The following RARB variants were observed in gnomAD, a reference collection of about 807,000 sequenced individuals.
RARB encodes the protein HBV-activated protein.
In RARB, 17 loss-of-function variants were observed where a neutral mutation model predicts 51.9. The ratio of observed to expected loss-of-function variants is 0.33; its 90% confidence interval spans 0.22 to 0.49. The LOEUF is 0.49. Ranked by LOEUF, RARB falls within the 20% of genes least tolerant of loss-of-function variation. RARB has a pLI of 0.99. For missense variants in RARB, 369 were observed against 550.8 expected (o/e 0.67, Z 3.30); for synonymous variants, 215 against 195.4 (o/e 1.10, Z -0.84).
chr3:24,915,795 A>G (rs1010359848), intron 2 of RARB, among the ~76,000 whole-genome samples: 14 of 152,170 alleles, frequency 9.2e-5, no homozygotes, highest in African/African-American at 3.1e-4. Flanking sequence ...TCCTGGGTCT[A>G]TACAAATGTA....
chr3:25,490,051 G>A (rs1696652392), intron 2 of RARB, among the ~76,000 whole-genome samples: 1 of 152,218 alleles, frequency 6.6e-6, no homozygotes, highest in Non-Finnish European at 1.5e-5. Context: ...GTGAAGAGAA[G>A]CAGAAGGCTA....
intron 5 of RARB, among the ~76,000 whole-genome samples, chr3:25,587,508 A>G (rs1171026789): frequency 6.6e-6 from 1 of 152,250 alleles, no homozygotes; most frequent in Non-Finnish European, 1.5e-5. Context: ...AAATAATTCC[A>G]TCTATTTCTC....
chr3:25,237,281 C>T (rs1381279889), intron 5 of RARB, among the ~76,000 whole-genome samples: 1 of 151,964 alleles, frequency 6.6e-6, no homozygotes. Context: ...TTAGACAACC[C>T]CAAAGGGTGG....
chr3:25,222,198 GATATATGATGA>G (rs1292051681), intron 5 of RARB, among the ~76,000 whole-genome samples: 1 of 152,196 alleles, frequency 6.6e-6, no homozygotes, highest in Non-Finnish European at 1.5e-5. Flanking sequence ...TCGAGGGGCA[GATATATGATGA>G]CTGCAACCTA....
chr3:25,449,702 C>T (rs1214996841), intron 1 of RARB, among the ~76,000 whole-genome samples: 2 of 151,620 alleles, frequency 1.3e-5, no homozygotes, highest in African/African-American at 4.8e-5. Context: ...CTGGTTTCTT[C>T]TTGCCTGTCA....
At chr3:24,853,755 T>C (rs1044874299) in intron 1 of RARB, among the ~76,000 whole-genome samples, 54 of 152,198 alleles carry the variant, frequency 3.5e-4, no homozygotes, top group Non-Finnish European at 3.4e-4. Context: ...ATATCAGACA[T>C]GTTTGAATTA....
At chr3:25,356,318 GA>G (rs1352834742) in intron 5 of RARB, among the ~76,000 whole-genome samples, 1 of 151,714 alleles carries the variant, frequency 6.6e-6, no homozygotes, top group Non-Finnish European at 1.5e-5. Context: ...CTATAGGAGG[GA>G]AAAAAAGGTT....
intron 2 of RARB, among the ~76,000 whole-genome samples, chr3:25,009,256 C>T (rs573705423): frequency 6.6e-6 from 1 of 152,224 alleles, no homozygotes; most frequent in East Asian, 1.9e-4. Context: ...GGTAGAATGG[C>T]TGACAGAAGA....
intron 4 of RARB, among the ~76,000 whole-genome samples, chr3:25,579,513 G>A (rs1241902583): frequency 1.3e-5 from 2 of 152,188 alleles, no homozygotes; most frequent in East Asian, 3.8e-4. Flanking sequence ...TGCTTCCAAG[G>A]TTTATCCATG....
At position 25,271,337 on chromosome 3, in the gene RARB, C is replaced by T. The variant is rs145840253; in HGVS notation, c.178+96762C>T. On this transcript the variant is annotated intron_variant, in intron 5 of 11. Coordinates refer to the RARB transcript ENST00000383772. ...GTGTGCTAACCAAAAATAACTAGCT[C>T]TTGAAATGCCATATAGGATAAGCAT... 3.5e-3 allele frequency among the ~76,000 whole-genome samples: 535 copies of T among 152,252 alleles called. 3 individuals carry two copies. The highest frequency in any genetic ancestry group is 0.012 in the African/African-American group (497 of 41,546).
At chr3:24,907,622 G>A (rs917874214) in intron 2 of RARB, among the ~76,000 whole-genome samples, 1 of 152,118 alleles carries the variant, frequency 6.6e-6, no homozygotes, top group Middle Eastern at 3.2e-3. Context: ...GTAAGGATAT[G>A]GGATGGCATG....
intron 5 of RARB, among the ~76,000 whole-genome samples, chr3:25,281,958 G>GCT (rs769562194): frequency 4.6e-5 from 7 of 152,326 alleles, no homozygotes; most frequent in Non-Finnish European, 7.3e-5. Flanking sequence ...AAGGCCCTGG[G>GCT]CTAGGGGTTC....
chr3:25,358,417 C>T (rs1705819111), intron 5 of RARB, among the ~76,000 whole-genome samples: 1 of 152,186 alleles, frequency 6.6e-6, no homozygotes, highest in Admixed American at 6.6e-5. Flanking sequence ...ACAATCTTGT[C>T]ATCTGCAAAC....
chr3:24,874,049 T>A (rs1286630786), intron 2 of RARB, among the ~76,000 whole-genome samples: 1 of 152,082 alleles, frequency 6.6e-6, no homozygotes, highest in Non-Finnish European at 1.5e-5. Context: ...ATAAGTAATC[T>A]AGAAATGATT....
intron 2 of RARB, among the ~76,000 whole-genome samples, chr3:24,885,907 A>T (rs950883027): frequency 4.6e-5 from 7 of 152,196 alleles, no homozygotes; most frequent in Admixed American, 6.5e-5. Flanking sequence ...GTGTTATAAA[A>T]CATTGCTCTA....
chr3:25,228,467 C>A (rs915993334), intron 5 of RARB, among the ~76,000 whole-genome samples: 47 of 151,860 alleles, frequency 3.1e-4, no homozygotes, highest in African/African-American at 1.1e-3. Context: ...GATCAGAGTG[C>A]CTTTTATCTC....
chr3:25,378,943 C>A (rs1706546911), intron 5 of RARB, among the ~76,000 whole-genome samples: 1 of 152,184 alleles, frequency 6.6e-6, no homozygotes, highest in African/African-American at 2.4e-5. Flanking sequence ...AGAGCTATTA[C>A]AGTGAATGTA....
At chr3:25,354,762 C>G (rs1705680706) in intron 5 of RARB, among the ~76,000 whole-genome samples, 1 of 151,208 alleles carries the variant, frequency 6.6e-6, no homozygotes, top group Non-Finnish European at 1.5e-5. Flanking sequence ...GCAATCATAG[C>G]TAAAAAGCAG....
At chr3:24,941,725 CT>C (rs1559405134) in intron 2 of RARB, among the ~76,000 whole-genome samples, 2 of 152,182 alleles carry the variant, frequency 1.3e-5, no homozygotes, top group African/African-American at 4.8e-5. Context: ...ACTACATTAT[CT>C]TTGCCTCATT....
Sources: gnomAD v4.1 joint callset for allele counts (sites outside exome capture counted in the v4.1 genomes callset) on GRCh38, gnomAD v4.1.1 for gene constraint, MANE v1.5 for transcripts, NCBI Gene and HGNC (gene_info 2026-07-23, HGNC 2026-07-21) for gene names.